The following RPN1 variants were observed in gnomAD, a reference collection of about 807,000 sequenced individuals.
RPN1 encodes the protein dolichyl-diphosphooligosaccharide--protein glycosyltransferase subunit 1.
RPN1 carries 12 observed loss-of-function variants against 55.5 expected under a neutral mutation model. The ratio of observed to expected loss-of-function variants is 0.22; its 90% CI spans 0.14 to 0.35. The LOEUF (loss-of-function observed/expected upper bound fraction) is 0.35. Ranked by LOEUF, RPN1 falls within the 10% of genes least tolerant of loss-of-function variation. The pLI, the probability that RPN1 is intolerant of heterozygous loss-of-function variation, is 1.00. For missense variants in RPN1, 679 were observed against 761.3 expected, an observed-to-expected ratio of 0.89 and a Z score of 1.27; for synonymous variants, 317 against 305.9, an observed-to-expected ratio of 1.04 and a Z score of -0.38.
At chr3:128,627,621 A>G (rs2069608922) in intron 5 of RPN1, among the ~76,000 whole-genome samples, 1 of 151,294 alleles carries the variant, frequency 6.6e-6, no homozygotes, top group Non-Finnish European at 1.5e-5. Flanking sequence ...AACTATAAAA[A>G]TTAGTCAGGT....
At chr3:128,626,336 A>G (rs2712417) in intron 6 of RPN1, among the ~76,000 whole-genome samples, 93,537 of 152,052 alleles carry the variant, frequency 0.62, 28,921 homozygotes, top group East Asian at 0.77. Context: ...TACCCAGTGA[A>G]TCCCTGGGAG....
chr3:128,627,986 G>T (rs1056904861), intron 5 of RPN1, among the ~76,000 whole-genome samples: 3 of 1,316 alleles, frequency 2.3e-3, no homozygotes, highest in Non-Finnish European at 4.7e-3. Flanking sequence ...GGCCGGGCGC[G>T]GTGGCTCACT....
At chr3:128,634,394 G>A (rs2069662371) in intron 3 of RPN1, among the ~76,000 whole-genome samples, 1 of 151,494 alleles carries the variant, frequency 6.6e-6, no homozygotes, top group South Asian at 2.1e-4. Context: ...AATATTCTAA[G>A]TGGCAAAGGT....
At chr3:128,635,630 T>G (rs375058029) in intron 3 of RPN1, among the ~76,000 whole-genome samples, 142 of 26,114 alleles carry the variant, frequency 5.4e-3, no homozygotes, top group African/African-American at 0.025. Flanking sequence ...TATATATATA[T>G]ATATATATAG....
rs1283262254 is a variant in RPN1, at chr3:128,650,605, C to T, written c.196G>A (p.Ala66Thr). ...AHLGGGSTSR[A>T]TSFLLALEPE... Reference sequence around the variant, plus strand: ...TCCAAAGCCAGCAGGAAAGAGGTAGCTCGGGACGTGGAGCCGCCGCCCAGG... The same window carrying T: ...TCCAAAGCCAGCAGGAAAGAGGTAGTTCGGGACGTGGAGCCGCCGCCCAGG... The change falls in exon 1 of 10, where the codon GCT becomes ACT. Residue 66 changes from alanine (A) to threonine (T), a missense_variant. Coordinates refer to ENST00000296255, the MANE Select transcript of RPN1 (RefSeq NM_002950.4). 6.4e-7 allele frequency: 1 copy of T among 1,550,402 alleles called. No individual in the cohort carries two copies. Among genetic ancestry groups the T allele is most frequent in the Non-Finnish European group, 8.7e-7 (1 of 1,146,984 alleles).
At chr3:128,636,096 T>C (rs1314402857) in intron 3 of RPN1, among the ~76,000 whole-genome samples, 1 of 152,110 alleles carries the variant, frequency 6.6e-6, no homozygotes, top group Non-Finnish European at 1.5e-5. Context: ...ATTATGTTAA[T>C]AAAAAGTTCT....
intron 4 of RPN1, among the ~76,000 whole-genome samples, chr3:128,631,731 G>A (rs2069643359): frequency 6.6e-6 from 1 of 152,132 alleles, no homozygotes; most frequent in Admixed American, 6.6e-5. Context: ...GGCAGAGTGA[G>A]ACTCTGTCTC....
rs527421671 is a variant in RPN1, at chr3:128,629,805, C to T, written c.1036+146G>A. 2.1e-5 allele frequency: 12 copies of T among 563,504 alleles called. No individual in the cohort carries two copies. The South Asian group carries it at 3.0e-4, about 14-fold the overall frequency. 34.9% of individuals were successfully genotyped at this position (563,504 alleles called of 1,614,324 possible). Reference sequence around the variant, plus strand: ...TACTTTTACAATACTAACTCGTACCCACTTATAAAAAGTTGTTCCTGATAA... The same window carrying T: ...TACTTTTACAATACTAACTCGTACCTACTTATAAAAAGTTGTTCCTGATAA... On this transcript the variant is annotated intron_variant, in intron 5 of 9. Coordinates refer to ENST00000296255, the MANE Select transcript of RPN1 (RefSeq NM_002950.4).
At chr3:128,647,010 C>T (rs1227252031) in intron 1 of RPN1, among the ~76,000 whole-genome samples, 1 of 151,804 alleles carries the variant, frequency 6.6e-6, no homozygotes, top group Non-Finnish European at 1.5e-5. Flanking sequence ...GCAAAATACC[C>T]TTGGGGAGGA....
chr3:128,639,281 T>C (rs1210450389), intron 2 of RPN1, among the ~76,000 whole-genome samples: 2 of 151,526 alleles, frequency 1.3e-5, no homozygotes. Context: ...TGAAAGCCCA[T>C]CTCTACTAAA....
At chr3:128,625,448 T>G in intron 8 of RPN1, 86 bp downstream of exon 8, 1 of 1,603,718 alleles carries the variant, frequency 6.2e-7, no homozygotes, top group Non-Finnish European at 8.5e-7. Context: ...CGTCCTGCCC[T>G]GGGCTCACTG....
Position 128,620,518 on chromosome 3 carries a change from C to T in RPN1, c.1717G>A (p.Val573Met). ...GTGTCTTTCTTGAGCTTGCCAGCCA[C>T]CAGGCGCTCAGCCTCCACCGCCGAC... is the stretch of plus-strand genomic sequence containing the variant. ...LKSAVEAERL[V>M]AGKLKKDTYI... is the part of the protein sequence containing the mutation. The change falls in exon 10 of 10, where the codon GTG becomes ATG. Residue 573 changes from valine (V) to methionine (M), a missense_variant. By Grantham distance (21) the Val-to-Met change is conservative. Around this residue, in one of 3 missense-constraint regions of RPN1, gnomAD observed 306 missense variants for 360.0 expected, o/e 0.85. Transcript: ENST00000296255. 1 of 1,614,160 alleles carries T rather than the reference C, an allele frequency of 6.2e-7. No individual in the cohort carries two copies. The highest frequency in any genetic ancestry group is 8.5e-7 in the Non-Finnish European group (1 of 1,180,010).
chr3:128,623,842 G>A (rs971417272), intron 8 of RPN1, among the ~76,000 whole-genome samples: 3 of 152,030 alleles, frequency 2.0e-5, no homozygotes, highest in African/African-American at 7.3e-5. Context: ...CCAGATTTTT[G>A]GCAACATTAC....
In RPN1 at chr3:128,632,143, T is replaced by C. The variant is rs2069647155; in HGVS notation, c.648A>G (p.Val216=). The change falls in exon 4 of 10, where the codon GTA becomes GTG. Residue 216 remains valine, a synonymous_variant. Coordinates refer to ENST00000296255, the MANE Select transcript of RPN1 (RefSeq NM_002950.4). ...VPAYSQDTFK[V]HYENNSPFLT... is the part of the protein sequence containing the mutation. ...GGAAAGGGCTGTTGTTCTCATAATGTACTTTAAAAGTATCCTGGAAGGAAG... is the reference window on the plus strand; with the variant it reads ...GGAAAGGGCTGTTGTTCTCATAATGCACTTTAAAAGTATCCTGGAAGGAAG... 2 of 1,614,106 alleles carry C rather than the reference T, an allele frequency of 1.2e-6. No homozygotes were observed. The highest frequency in any genetic ancestry group is 1.3e-5 in the African/African-American group (1 of 74,938).
intron 8 of RPN1, among the ~76,000 whole-genome samples, chr3:128,623,247 A>C (rs1435902967): frequency 2.0e-5 from 3 of 152,180 alleles, no homozygotes; most frequent in Non-Finnish European, 2.9e-5. Flanking sequence ...TCTACAAAAA[A>C]ATATTTTGGC....
intron 6 of RPN1, 27 bp from the exon 7 acceptor site, chr3:128,626,039 G>C: frequency 6.3e-7 from 1 of 1,576,008 alleles, no homozygotes; most frequent in Non-Finnish European, 8.6e-7. Flanking sequence ...ATAAAATATA[G>C]CCTCCAACCA....
At chr3:128,624,932 A>G (rs1370898346) in intron 8 of RPN1, among the ~76,000 whole-genome samples, 1 of 152,172 alleles carries the variant, frequency 6.6e-6, no homozygotes, top group Non-Finnish European at 1.5e-5. Context: ...ACCTGACTAC[A>G]ATAAGTGCCT....
chr3:128,649,167 CGTATTTTGAA>C (rs1308138942), intron 1 of RPN1, among the ~76,000 whole-genome samples: 1 of 152,062 alleles, frequency 6.6e-6, no homozygotes, highest in East Asian at 1.9e-4. Context: ...CCAGTGTATA[CGTATTTTGAA>C]TATACTAATA....
intron 9 of RPN1, 77 bp downstream of exon 9, chr3:128,622,087 C>G (rs960736834): frequency 4.9e-6 from 7 of 1,426,490 alleles, no homozygotes; most frequent in Non-Finnish European, 6.8e-6. Context: ...AAGAGAGCTG[C>G]CCAGTGTCTG....
Sources: gnomAD v4.1 joint callset for allele counts (sites outside exome capture counted in the v4.1 genomes callset) on GRCh38, gnomAD v4.1.1 for gene constraint, gnomAD v4.1.1 regional missense constraint, MANE v1.5 for transcripts, NCBI Gene and HGNC (gene_info 2026-07-23, HGNC 2026-07-21) for gene names.